The following MYLK variants were observed in gnomAD, a reference collection of about 807,000 sequenced individuals.
MYLK encodes myosin light chain kinase, smooth muscle.
MYLK carries 106 observed loss-of-function variants against 203.4 expected under a neutral mutation model. That is an observed-to-expected ratio of 0.52 (90% confidence interval 0.45 to 0.61). The LOEUF is 0.61. MYLK is among the 20% of genes least tolerant of loss of function. MYLK has a pLI of 0.00. For missense variants in MYLK, 2,072 were observed against 2,442.3 expected, an observed-to-expected ratio of 0.85 and a Z score of 3.20; for synonymous variants, 867 against 959.5, an observed-to-expected ratio of 0.90 and a Z score of 1.78.
At chr3:123,743,253 A>G (rs1224542653) in intron 5 of MYLK, among the ~76,000 whole-genome samples, 1 of 152,196 alleles carries the variant, frequency 6.6e-6, no homozygotes, top group Non-Finnish European at 1.5e-5. Context: ...AAGCAAAAAC[A>G]TGGCACTTTC....
intron 1 of MYLK, among the ~76,000 whole-genome samples, chr3:123,879,527 C>T (rs1327334273): frequency 6.6e-6 from 1 of 151,992 alleles, no homozygotes; most frequent in Non-Finnish European, 1.5e-5. Context: ...GTTAATGAAA[C>T]TTGGAAATTG....
intron 2 of MYLK, among the ~76,000 whole-genome samples, chr3:123,850,529 G>T (rs935083654): frequency 3.9e-5 from 6 of 152,172 alleles, no homozygotes; most frequent in Admixed American, 3.9e-4. Flanking sequence ...TCTTTTGGCT[G>T]CATAAATGTC....
intron 4 of MYLK, among the ~76,000 whole-genome samples, chr3:123,769,164 A>G (rs1021758466): frequency 6.6e-6 from 1 of 152,190 alleles, no homozygotes; most frequent in Non-Finnish European, 1.5e-5. Flanking sequence ...GCACAGGACC[A>G]TATTTTCCAT....
chr3:123,702,527 C>T (rs1220252709), intron 16 of MYLK, among the ~76,000 whole-genome samples: 2 of 152,126 alleles, frequency 1.3e-5, no homozygotes, highest in Non-Finnish European at 2.9e-5. Flanking sequence ...CAACAGTGCT[C>T]CCACTCATGC....
At chr3:123,694,188 A>G (rs1039235775) in intron 18 of MYLK, among the ~76,000 whole-genome samples, 3 of 152,110 alleles carry the variant, frequency 2.0e-5, no homozygotes, top group African/African-American at 4.8e-5. Context: ...AAACAGAGAA[A>G]CCTTCATCCT....
At chr3:123,618,867 T>G in intron 32 of MYLK, 97 bp from the exon 33 acceptor site, 1 of 1,519,698 alleles carries the variant, frequency 6.6e-7, no homozygotes, top group Non-Finnish European at 9.1e-7. Flanking sequence ...GTTGCTATGA[T>G]TTAGCAAAGA....
At chr3:123,715,259 A>G (rs1426319095) in intron 13 of MYLK, among the ~76,000 whole-genome samples, 1 of 152,228 alleles carries the variant, frequency 6.6e-6, no homozygotes, top group Admixed American at 6.5e-5. Flanking sequence ...AGGATCCAAG[A>G]GCAGCCATGC....
rs138566669 is a variant in MYLK at position 123,793,596 on chromosome 3, G to A, written c.165+81C>T. On this transcript the variant is annotated intron_variant, in intron 4 of 33. Transcript: ENST00000360304. ...ATTGAGCCTTCTATTAGATCCAGCC[G>A]GCCCAGGAAAAGGCTTGACAAGGAG... is the stretch of plus-strand genomic sequence containing the variant. 1.7e-4 allele frequency: 262 copies of A among 1,519,300 alleles called. No individual in the cohort carries two copies. In the African/African-American group the frequency reaches 2.7e-3, roughly 16 times the overall value. 94.1% of individuals were successfully genotyped at this position (1,519,300 alleles called of 1,614,324 possible).
At chr3:123,692,281 ACCT>A (rs2060707064) in intron 19 of MYLK, 1 of 1,097,258 alleles carries the variant, frequency 9.1e-7, no homozygotes, top group Non-Finnish European at 1.1e-6. Context: ...GCCCCGACTC[ACCT>A]CCTCTAGGAA....
chr3:123,781,023 A>G (rs1259573971), intron 4 of MYLK, among the ~76,000 whole-genome samples: 2 of 152,184 alleles, frequency 1.3e-5, no homozygotes, highest in African/African-American at 4.8e-5. Flanking sequence ...GGGTAGCACT[A>G]TGACAGATTA....
At chr3:123,681,089 G>A (rs1025547896) in intron 20 of MYLK, 1 of 152,136 alleles carries the variant, frequency 6.6e-6, no homozygotes, top group Non-Finnish European at 1.5e-5. Flanking sequence ...AACTGCATGG[G>A]TATAAAGATG....
At chr3:123,710,630 C>G (rs536074535) in intron 13 of MYLK, among the ~76,000 whole-genome samples, 2 of 152,178 alleles carry the variant, frequency 1.3e-5, no homozygotes, top group Non-Finnish European at 2.9e-5. Flanking sequence ...TCATACATGG[C>G]AGGTGGTACA....
intron 4 of MYLK, among the ~76,000 whole-genome samples, chr3:123,773,361 T>C (rs2063949851): frequency 6.6e-6 from 1 of 152,240 alleles, no homozygotes; most frequent in Non-Finnish European, 1.5e-5. Context: ...ATACTTTCTG[T>C]ATGTCAAAAC....
chr3:123,689,864 A>T (rs1208285526), intron 19 of MYLK: 1 of 152,210 alleles, frequency 6.6e-6, no homozygotes, highest in East Asian at 1.9e-4. Flanking sequence ...TCTTAGGAAA[A>T]AGACCCAAAC....
chr3:123,869,482 G>C (rs2700403), intron 2 of MYLK, among the ~76,000 whole-genome samples: 4,188 of 152,222 alleles, frequency 0.028, 192 homozygotes, highest in African/African-American at 0.094. Context: ...TCCAGACCTA[G>C]GGTGGTCTTG....
At chr3:123,758,850 G>T (rs1050417523) in intron 4 of MYLK, among the ~76,000 whole-genome samples, 1 of 151,608 alleles carries the variant, frequency 6.6e-6, no homozygotes, top group Non-Finnish European at 1.5e-5. Context: ...TCTGAGACAC[G>T]TTCTCACTCT....
intron 4 of MYLK, among the ~76,000 whole-genome samples, chr3:123,790,562 G>A (rs2064740199): frequency 6.6e-6 from 1 of 152,116 alleles, no homozygotes; most frequent in Non-Finnish European, 1.5e-5. Context: ...TGTCACCCAA[G>A]TCACTAGATA....
intron 1 of MYLK, among the ~76,000 whole-genome samples, chr3:123,877,075 T>C (rs1291562164): frequency 6.6e-6 from 1 of 152,158 alleles, no homozygotes; most frequent in Non-Finnish European, 1.5e-5. Flanking sequence ...CCTGAACAAA[T>C]GTTTAAGGAT....
intron 5 of MYLK, among the ~76,000 whole-genome samples, chr3:123,744,714 C>T (rs1304800423): frequency 1.3e-5 from 2 of 152,082 alleles, no homozygotes; most frequent in Non-Finnish European, 2.9e-5. Context: ...TAACAAGAGA[C>T]TATAGAGAAG....
Sources: gnomAD v4.1 joint callset for allele counts (sites outside exome capture counted in the v4.1 genomes callset) on GRCh38, gnomAD v4.1.1 for gene constraint, MANE v1.5 for transcripts, NCBI Gene and HGNC (gene_info 2026-07-23, HGNC 2026-07-21) for gene names.